The following RBL1 variants were observed in gnomAD, a reference collection of about 807,000 sequenced individuals.
RBL1 encodes the protein RB transcriptional corepressor like 1.
In RBL1, 82 loss-of-function variants were observed where a neutral mutation model predicts 123.0. The ratio of observed to expected loss-of-function variants is 0.67; its 90% CI spans 0.56 to 0.80. RBL1 has a LOEUF of 0.80. RBL1 is among the 30% of genes least tolerant of loss of function. The pLI is 0.00. For synonymous variants in RBL1, 405 were observed against 441.3 expected (o/e 0.92, Z 1.03); for missense variants, 1,171 against 1,299.6 (o/e 0.90, Z 1.52).
intron 14 of RBL1, among the ~76,000 whole-genome samples, chr20:37,038,345 A>C (rs1312794543): frequency 7.7e-6 from 1 of 129,710 alleles, no homozygotes; most frequent in Non-Finnish European, 1.6e-5. Flanking sequence ...TCTTTCGCCC[A>C]GGCTGGAGGG....
chr20:37,000,481 C>T (rs2063953472), intron 21 of RBL1, among the ~76,000 whole-genome samples: 1 of 146,732 alleles, frequency 6.8e-6, no homozygotes. Flanking sequence ...GGTCAGCCCC[C>T]CCGCCCGGCC....
intron 9 of RBL1, among the ~76,000 whole-genome samples, chr20:37,060,173 A>AAAT (rs2065070566): frequency 6.8e-6 from 1 of 146,308 alleles, no homozygotes; most frequent in African/African-American, 2.5e-5. Context: ...ACTCTGTCTC[A>AAAT]AAATAAATAA....
At chr20:37,010,398 T>C (rs1313251337) in intron 19 of RBL1, among the ~76,000 whole-genome samples, 1 of 152,222 alleles carries the variant, frequency 6.6e-6, no homozygotes, top group Non-Finnish European at 1.5e-5. Flanking sequence ...ATATTATATA[T>C]ATGCATATAT....
chr20:37,051,701 A>C (rs1310226863), intron 11 of RBL1, among the ~76,000 whole-genome samples: 2 of 152,228 alleles, frequency 1.3e-5, no homozygotes, highest in South Asian at 2.1e-4. Context: ...GGGAGGAAAA[A>C]GAAAACAAAA....
At chr20:37,000,929 C>T (rs1260325560) in intron 21 of RBL1, among the ~76,000 whole-genome samples, 1 of 134,976 alleles carries the variant, frequency 7.4e-6, no homozygotes, top group Admixed American at 7.2e-5. Flanking sequence ...GCCAGCCGCC[C>T]CATCCGGGAG....
chr20:37,044,033 GTTTTTT>G, intron 13 of RBL1, 47 bp downstream of exon 13: 2 of 912,702 alleles, frequency 2.2e-6, no homozygotes, highest in Non-Finnish European at 1.5e-6. Context: ...AATAAAGCTG[GTTTTTT>G]TTTTTTTTTT....
intron 19 of RBL1, among the ~76,000 whole-genome samples, chr20:37,009,277 G>A (rs2064118264): frequency 6.6e-6 from 1 of 152,234 alleles, no homozygotes; most frequent in East Asian, 1.9e-4. Context: ...GCCCGCCTTG[G>A]CCTCCCAAAG....
At chr20:37,044,394 G>A in intron 12 of RBL1, 144 bp from the exon 13 acceptor site, 1 of 743,666 alleles carries the variant, frequency 1.3e-6, no homozygotes, top group Non-Finnish European at 2.1e-6. Context: ...CTGGAGTACA[G>A]TGGTGTGATC....
chr20:37,063,204 AG>A (rs2065123578), intron 7 of RBL1, among the ~76,000 whole-genome samples: 3 of 152,142 alleles, frequency 2.0e-5, no homozygotes, highest in Admixed American at 2.0e-4. Flanking sequence ...TAGCCTCCTG[AG>A]TAGCCGGGAC....
intron 19 of RBL1, among the ~76,000 whole-genome samples, chr20:37,014,200 C>T (rs868636709): frequency 6.6e-6 from 1 of 151,788 alleles, no homozygotes. Flanking sequence ...AATTCAGCCT[C>T]CTGAGTAGCT....
At chr20:37,072,045 T>A (rs1490720598) in intron 2 of RBL1, among the ~76,000 whole-genome samples, 3 of 152,354 alleles carry the variant, frequency 2.0e-5, no homozygotes, top group Admixed American at 6.5e-5. Flanking sequence ...ACTCTGGACA[T>A]GCTGATATAA....
At chr20:37,064,282 C>G (rs985205862) in intron 7 of RBL1, among the ~76,000 whole-genome samples, 1 of 151,570 alleles carries the variant, frequency 6.6e-6, no homozygotes, top group African/African-American at 2.4e-5. Flanking sequence ...GGACTACAGG[C>G]GTGTGCCACC....
intron 20 of RBL1, among the ~76,000 whole-genome samples, chr20:37,005,085 C>T (rs146779242): frequency 5.9e-5 from 9 of 151,948 alleles, no homozygotes; most frequent in South Asian, 2.1e-4. Context: ...AGTTAAGCCA[C>T]GAGCATGAGA....
chr20:37,083,180 G>A (rs1477891361), intron 2 of RBL1, among the ~76,000 whole-genome samples: 1 of 151,870 alleles, frequency 6.6e-6, no homozygotes, highest in African/African-American at 2.4e-5. Context: ...AAAACGTTTT[G>A]CGGAAGGCTG....
chr20:37,065,504 T>C lies in RBL1; in HGVS notation c.847-31A>G, dbSNP rs776264017. ...AACAAAAAATTATTTTGGGACACCATATAATTAAGCATATTAATACACACA... is the reference window on the plus strand; with the variant it reads ...AACAAAAAATTATTTTGGGACACCACATAATTAAGCATATTAATACACACA... On this transcript the variant is annotated intron_variant, in intron 6 of 21. Coordinates refer to ENST00000373664, the MANE Select transcript of RBL1 (RefSeq NM_002895.5). 7 of 1,492,528 alleles carry C rather than the reference T, an allele frequency of 4.7e-6. No individual in the cohort carries two copies. In the Admixed American group the frequency reaches 7.0e-5, roughly 15 times the overall value. 92.5% of individuals were successfully genotyped at this position (1,492,528 alleles called of 1,614,324 possible). A position where few individuals can be genotyped will look rare whatever the true frequency, so the allele number is the denominator to read the frequency against.
chr20:37,067,766 C>CAAA (rs1168742059), intron 3 of RBL1, among the ~76,000 whole-genome samples: 755 of 62,026 alleles, frequency 0.012, no homozygotes, highest in East Asian at 0.019. Context: ...TGAGACTCCT[C>CAAA]AAAAAAAAAA....
Position 37,065,413 on chromosome 20 carries a change from T to C in RBL1, c.896+11A>G, listed in dbSNP as rs765263529. The stretch of plus-strand genomic sequence containing the variant: ...GTGATAAGCCAGGCACCATTAGTAC[T>C]AGATATTTACCTATTATCAGTAAAA... On this transcript the variant is annotated intron_variant, in intron 7 of 21. Coordinates refer to ENST00000373664, the MANE Select transcript of RBL1 (RefSeq NM_002895.5). 1.3e-6 allele frequency: 2 copies of C among 1,561,218 alleles called. No individual in the cohort carries two copies. The highest frequency in any genetic ancestry group is 1.4e-5 in the African/African-American group (1 of 73,512).
chr20:37,044,510 G>A (rs2064785989), intron 12 of RBL1, among the ~76,000 whole-genome samples: 1 of 151,932 alleles, frequency 6.6e-6, no homozygotes, highest in South Asian at 2.1e-4. Flanking sequence ...GCTAATTTTT[G>A]TAGTTTTTAG....
chr20:37,082,695 TATAA>T (rs901011067), intron 2 of RBL1, among the ~76,000 whole-genome samples: 11 of 152,160 alleles, frequency 7.2e-5, no homozygotes, highest in Admixed American at 6.6e-4. Context: ...TTGTATTAGG[TATAA>T]ATAATCTAGA....
Sources: allele counts gnomAD v4.1 joint callset (sites outside exome capture counted in the v4.1 genomes callset), GRCh38; gene constraint gnomAD v4.1.1; transcripts MANE v1.5; gene names NCBI Gene and HGNC (gene_info 2026-07-23, HGNC 2026-07-21).